The following GPATCH8 variants were observed in gnomAD, a reference collection of about 807,000 sequenced individuals.
The protein encoded by GPATCH8 is G patch domain-containing protein 8.
GPATCH8 carries 18 observed loss-of-function variants against 118.3 expected under a neutral mutation model. The observed-to-expected ratio is 0.15, with a 90% CI of 0.11 to 0.23. The LOEUF (loss-of-function observed/expected upper bound fraction) is 0.23. GPATCH8 is among the 10% of genes least tolerant of loss of function. The probability of loss-of-function intolerance (pLI) is 1.00; values close to 1 mark genes in which losing one functional copy is unlikely to be tolerated. For missense variants in GPATCH8, 1,631 were observed against 1,873.8 expected, an observed-to-expected ratio of 0.87 and a Z score of 2.39; for synonymous variants, 659 against 684.7, an observed-to-expected ratio of 0.96 and a Z score of 0.59.
At chr17:44,502,970 C>A (rs1459858469) in intron 1 of GPATCH8, among the ~76,000 whole-genome samples, 1 of 152,254 alleles carries the variant, frequency 6.6e-6, no homozygotes, top group African/African-American at 2.4e-5. Context: ...CCTCTCAGCC[C>A]AACCCAACCA....
chr17:44,490,731 CA>C (rs1249958259), intron 1 of GPATCH8, among the ~76,000 whole-genome samples: 1 of 151,614 alleles, frequency 6.6e-6, no homozygotes, highest in African/African-American at 2.4e-5. Flanking sequence ...CCTCCACTCT[CA>C]AAAAAAACTT....
At chr17:44,501,929 T>C (rs970586509) in intron 1 of GPATCH8, among the ~76,000 whole-genome samples, 3 of 151,902 alleles carry the variant, frequency 2.0e-5, no homozygotes, top group Non-Finnish European at 4.4e-5. Flanking sequence ...AATATATATA[T>C]ATGTGTGTAT....
In GPATCH8 at chr17:44,397,069, C is replaced by T; in HGVS notation, c.*499G>A. On this transcript the variant is annotated 3_prime_UTR_variant, in exon 8 of 8. Coordinates refer to ENST00000591680, the MANE Select transcript of GPATCH8 (RefSeq NM_001002909.4). Reference sequence around the variant, plus strand: ...ATAACGTAACGTCACCAAAGATGGTCAAAGATACTACCCCAAAATGGTGGC... The same window carrying T: ...ATAACGTAACGTCACCAAAGATGGTTAAAGATACTACCCCAAAATGGTGGC... 2.2e-6 allele frequency: 1 copy of T among 454,266 alleles called. No homozygotes were observed. The highest frequency in any genetic ancestry group is 1.6e-5 in the South Asian group (1 of 64,472). The allele number at this position is 454,266 out of a possible 1,614,324, so 28.1% of individuals were successfully genotyped here. A position where few individuals can be genotyped will look rare whatever the true frequency, so the allele number is the denominator to read the frequency against.
chr17:44,461,819 T>A (rs2051562286), intron 3 of GPATCH8, among the ~76,000 whole-genome samples: 1 of 151,350 alleles, frequency 6.6e-6, no homozygotes, highest in Admixed American at 6.6e-5. Context: ...TTAAACCTCT[T>A]AACTGGGACC....
chr17:44,448,561 AGAAGAGGAAGAG>A (rs1161430720), intron 3 of GPATCH8, among the ~76,000 whole-genome samples: 7 of 87,004 alleles, frequency 8.0e-5, no homozygotes, highest in African/African-American at 2.6e-4. Flanking sequence ...AAGAGGAAGA[AGAAGAGGAAGAG>A]GAAGAAGAAG....
chr17:44,489,288 G>A (rs1969041868), intron 1 of GPATCH8, among the ~76,000 whole-genome samples: 1 of 151,782 alleles, frequency 6.6e-6, no homozygotes, highest in Admixed American at 6.6e-5. Context: ...TTGTCTTTGG[G>A]AAGGTTAACT....
chr17:44,500,564 A>G (rs1969981267), intron 1 of GPATCH8, among the ~76,000 whole-genome samples: 1 of 152,242 alleles, frequency 6.6e-6, no homozygotes, highest in Admixed American at 6.5e-5. Context: ...CCCTCACTCC[A>G]TAATAATTTC....
chr17:44,486,561 GGTGAGGAAAGGTTGT>G (rs1968798864), intron 1 of GPATCH8: 2 of 152,254 alleles, frequency 1.3e-5, no homozygotes, highest in South Asian at 2.1e-4. Flanking sequence ...CCTGGTCACA[GGTGAGGAAAGGTTGT>G]GCAAGCAATG....
At chr17:44,410,201 T>C (rs2049379947) in intron 6 of GPATCH8, among the ~76,000 whole-genome samples, 1 of 152,202 alleles carries the variant, frequency 6.6e-6, no homozygotes, top group Non-Finnish European at 1.5e-5. Flanking sequence ...GCTACCAACG[T>C]CTGGCTCATT....
intron 3 of GPATCH8, among the ~76,000 whole-genome samples, chr17:44,444,345 G>A (rs2050799393): frequency 6.6e-6 from 1 of 151,618 alleles, no homozygotes; most frequent in Admixed American, 6.6e-5. Flanking sequence ...ATTGCCTCAA[G>A]CTAACCACCA....
At chr17:44,464,677 G>A (rs2051690160) in intron 2 of GPATCH8, 133 bp from the exon 3 acceptor site, 2 of 728,098 alleles carry the variant, frequency 2.7e-6, no homozygotes, top group Admixed American at 3.9e-5. Flanking sequence ...TAATAATAGG[G>A]TAAATGTGCC....
At chr17:44,452,310 A>T (rs990578485) in intron 3 of GPATCH8, among the ~76,000 whole-genome samples, 8 of 151,680 alleles carry the variant, frequency 5.3e-5, no homozygotes, top group Admixed American at 1.3e-4. Flanking sequence ...AAAAGGAAAA[A>T]AGATCTTGGG....
At chr17:44,483,216 T>TATATATATATAC (rs1438103360) in intron 1 of GPATCH8, among the ~76,000 whole-genome samples, 5 of 87,606 alleles carry the variant, frequency 5.7e-5, no homozygotes, top group East Asian at 4.5e-4. Flanking sequence ...TATATATATA[T>TATATATATATAC]ACAGCCTACC....
At chr17:44,408,676 C>T (rs939293425) in intron 6 of GPATCH8, among the ~76,000 whole-genome samples, 1 of 152,160 alleles carries the variant, frequency 6.6e-6, no homozygotes, top group Non-Finnish European at 1.5e-5. Flanking sequence ...TTAGGCTTTC[C>T]ATTCAGCAGC....
intron 1 of GPATCH8, chr17:44,486,533 TGTCATCTA>T (rs1343769601): frequency 1.3e-5 from 2 of 152,352 alleles, no homozygotes; most frequent in East Asian, 3.9e-4. Flanking sequence ...CCTCTAAATA[TGTCATCTA>T]GTCTGATAGC....
intron 2 of GPATCH8, among the ~76,000 whole-genome samples, chr17:44,470,493 G>A (rs543181274): frequency 3.2e-5 from 3 of 94,220 alleles, no homozygotes; most frequent in Non-Finnish European, 6.4e-5. Context: ...TGCACCCAGC[G>A]CTTTTTTTTT....
In GPATCH8 at chr17:44,401,162, G is replaced by C. The variant is rs764410446; in HGVS notation, c.915C>G (p.Ala305=). 4.3e-6 allele frequency: 7 copies of C among 1,613,916 alleles called. No individual in the cohort carries two copies. Among genetic ancestry groups the C allele is most frequent in the Non-Finnish European group, 5.1e-6 (6 of 1,179,986 alleles). The change falls in exon 8 of 8, where the codon GCC becomes GCG. Residue 305 remains alanine, a synonymous_variant. Transcript: ENST00000591680. ...ATTCGAGTTTGACAGGAGCCTTTTT[G>C]GCAAAAGAAAATGACACTCCCAATT... The part of the protein sequence containing the change: ...LQKLGVSFSF[A]KKAPVKLESI...
Position 44,424,368 on chromosome 17 carries a change from T to C in GPATCH8, c.473A>G (p.Tyr158Cys). Residue 158 changes from tyrosine to cysteine, a missense_variant, in exon 6 of 8, where the codon TAT (tyrosine) becomes TGT (cysteine). Physicochemically the swap from Tyr to Cys is radical, Grantham distance 194. Around this residue, in one of 8 missense-constraint regions of GPATCH8, gnomAD observed 81 missense variants for 227.6 expected, o/e 0.36. Transcript: ENST00000591680. ...ACTCACCTGCTTGTGTGCATGATCA[T>C]AGGAGTTGATATGGTTATCAAATTC... ...HQEFDNHINS[Y>C]DHAHKQRLKD... The C allele has an allele frequency of 1.2e-6, 2 of 1,600,372 alleles. No homozygotes were observed. The highest frequency in any genetic ancestry group is 8.6e-7 in the Non-Finnish European group (1 of 1,167,356).
chr17:44,432,379 C>T (rs937387547), intron 5 of GPATCH8, among the ~76,000 whole-genome samples: 3 of 151,930 alleles, frequency 2.0e-5, no homozygotes, highest in Non-Finnish European at 2.9e-5. Flanking sequence ...GGCAGAGATA[C>T]GACAAGGGTA....
Sources: allele counts gnomAD v4.1 joint callset (sites outside exome capture counted in the v4.1 genomes callset), GRCh38; gene constraint gnomAD v4.1.1; regional missense constraint gnomAD v4.1.1; transcripts MANE v1.5; gene names NCBI Gene and HGNC (gene_info 2026-07-23, HGNC 2026-07-21).